The following GABRA3 variants were observed in gnomAD, a reference collection of about 807,000 sequenced individuals.
GABRA3 encodes gamma-aminobutyric acid type A receptor subunit alpha3.
Under a neutral mutation model 30.1 loss-of-function variants are expected in GABRA3, and 10 were observed. The ratio of observed to expected loss-of-function variants is 0.33; its 90% CI spans 0.20 to 0.56. The LOEUF (loss-of-function observed/expected upper bound fraction) is 0.56. Ranked by LOEUF, GABRA3 falls within the 20% of genes least tolerant of loss-of-function variation. The probability of loss-of-function intolerance (pLI) is 0.89; values close to 1 mark genes in which losing one functional copy is unlikely to be tolerated. For synonymous variants in GABRA3, 151 were observed against 146.8 expected, an observed-to-expected ratio of 1.03 and a Z score of -0.21; for missense variants, 233 against 392.0, an observed-to-expected ratio of 0.59 and a Z score of 3.42.
chrX:152,225,138 C>A (rs752498358), intron 5 of GABRA3, among the ~76,000 whole-genome samples: 11 of 109,831 alleles, frequency 1.0e-4, no homozygotes, highest in Non-Finnish European at 2.1e-4. Flanking sequence ...ACACCCCCCC[C>A]AAGAAGCCTG....
chrX:152,218,142 T>C (rs959641071), intron 6 of GABRA3, among the ~76,000 whole-genome samples: 11 of 109,333 alleles, frequency 1.0e-4, no homozygotes, highest in Non-Finnish European at 1.7e-4. Context: ...ATGCATCCCA[T>C]AAGTTTTGGT....
At chrX:152,280,590 G>T (rs747550351) in intron 4 of GABRA3, among the ~76,000 whole-genome samples, 1 of 111,507 alleles carries the variant, frequency 9.0e-6, no homozygotes, top group Non-Finnish European at 1.9e-5. Context: ...CAGAATGTAC[G>T]TTATCTGAAT....
intron 5 of GABRA3, among the ~76,000 whole-genome samples, chrX:152,243,603 C>A (rs1938417162): frequency 9.0e-6 from 1 of 111,658 alleles, no homozygotes; most frequent in Non-Finnish European, 1.9e-5. Flanking sequence ...TAACACCTTG[C>A]AGATGCTAAT....
intron 7 of GABRA3, among the ~76,000 whole-genome samples, chrX:152,201,559 G>C (rs957446994): frequency 9.0e-6 from 1 of 111,662 alleles, no homozygotes; most frequent in African/African-American, 3.3e-5. Context: ...CCCTTTAAGT[G>C]ATTTGGGGGA....
chrX:152,231,354 C>T (rs765515674), intron 5 of GABRA3, among the ~76,000 whole-genome samples: 24 of 108,292 alleles, frequency 2.2e-4, no homozygotes, highest in Non-Finnish European at 3.1e-4. Context: ...TGTGTATATA[C>T]GTGTATATAT....
At chrX:152,268,331 C>T (rs1455940998) in intron 4 of GABRA3, among the ~76,000 whole-genome samples, 1 of 111,400 alleles carries the variant, frequency 9.0e-6, no homozygotes. Context: ...GTGGGTTTTT[C>T]CCATGCTGTT....
intron 1 of GABRA3, among the ~76,000 whole-genome samples, chrX:152,370,902 T>C (rs1928819034): frequency 9.0e-6 from 1 of 111,242 alleles, no homozygotes; most frequent in South Asian, 3.8e-4. Flanking sequence ...CTTACAATCT[T>C]AGAATTGCTC....
chrX:152,261,899 A>C (rs1357733312), intron 4 of GABRA3, among the ~76,000 whole-genome samples: 2 of 112,566 alleles, frequency 1.8e-5, no homozygotes, highest in Admixed American at 1.9e-4. Flanking sequence ...GAGGTTATAC[A>C]TGAGTGTTCT....
In GABRA3 at chrX:152,324,461, T is replaced by G. The variant is rs542105803; in HGVS notation, c.262+21120A>C. ...AGAGAAGCTGTTGACATTGTGTATC[T>G]GAATTTCATCAAGGCACTGACAGAC... On this transcript the variant is annotated intron_variant, in intron 3 of 9. Coordinates refer to ENST00000370314, the MANE Select transcript of GABRA3 (RefSeq NM_000808.4). Among the ~76,000 whole-genome samples, 6 of 112,234 alleles carry G rather than the reference T, an allele frequency of 5.3e-5. No homozygotes were observed. The South Asian group carries it at 1.8e-3, about 34-fold the overall frequency.
At chrX:152,414,955 C>G (rs1390132634) in intron 1 of GABRA3, among the ~76,000 whole-genome samples, 2 of 108,702 alleles carry the variant, frequency 1.8e-5, no homozygotes, top group Non-Finnish European at 3.8e-5. Flanking sequence ...CTAATTATGA[C>G]ATTTTGGAAA....
chrX:152,309,961 C>CA (rs1569392978), intron 3 of GABRA3, among the ~76,000 whole-genome samples: 1 of 111,219 alleles, frequency 9.0e-6, no homozygotes, highest in African/African-American at 3.3e-5. Flanking sequence ...AACAGAAATC[C>CA]AAAAAAAGCA....
intron 5 of GABRA3, among the ~76,000 whole-genome samples, chrX:152,238,037 G>A (rs201101036): frequency 0.09 from 9,648 of 107,110 alleles, 1,105 homozygotes; most frequent in East Asian, 0.29. Flanking sequence ...ATGTTGAATA[G>A]GAGTGGTGAG....
intron 5 of GABRA3, among the ~76,000 whole-genome samples, chrX:152,226,875 AG>A (rs1274646929): frequency 4.3e-4 from 48 of 112,091 alleles, no homozygotes; most frequent in African/African-American, 1.5e-3. Flanking sequence ...TTAAAAAGTC[AG>A]GAAACAACAG....
chrX:152,257,027 A>G (rs780981089), intron 4 of GABRA3, among the ~76,000 whole-genome samples: 2 of 111,247 alleles, frequency 1.8e-5, no homozygotes, highest in Non-Finnish European at 3.8e-5. Context: ...ATTCTGCCGA[A>G]AAATTCCGGC....
Position 152,167,877 on chromosome X carries a change from C to T in GABRA3, c.*351G>A, listed in dbSNP as rs2124320036. ...TCCTTGTTCTGGGCCTCTCAAACAG[C>T]CAAGGCTTCCACTATGGAGAGTAGA... On this transcript the variant is annotated 3_prime_UTR_variant, in exon 10 of 10. Transcript: ENST00000370314. The T allele has an allele frequency of 1.9e-5, 4 of 205,487 alleles. No homozygotes were observed. The highest frequency in any genetic ancestry group is 1.8e-5 in the Non-Finnish European group (2 of 113,075). The allele number at this position is 205,487 out of a possible 1,213,427, so 16.9% of individuals were successfully genotyped here.
At chrX:152,436,853 A>C (rs1197387505) in intron 1 of GABRA3, among the ~76,000 whole-genome samples, 2 of 111,577 alleles carry the variant, frequency 1.8e-5, no homozygotes, top group African/African-American at 6.5e-5. Context: ...TGCAAAAGGT[A>C]CAAGTCATAA....
At chrX:152,281,021 G>T (rs1939190189) in intron 4 of GABRA3, among the ~76,000 whole-genome samples, 1 of 111,051 alleles carries the variant, frequency 9.0e-6, no homozygotes, top group African/African-American at 3.3e-5. Context: ...GGGACTAGAA[G>T]AGAAGGTGGA....
intron 9 of GABRA3, among the ~76,000 whole-genome samples, chrX:152,182,868 CTATATATAGTGTATA>C (rs1233676966): frequency 1.1e-5 from 1 of 92,361 alleles, no homozygotes; most frequent in African/African-American, 3.9e-5. Flanking sequence ...TACTATAGTA[CTATATATAGTGTATA>C]TATATATAGT....
At chrX:152,434,553 G>C (rs1254875028) in intron 1 of GABRA3, among the ~76,000 whole-genome samples, 1 of 111,543 alleles carries the variant, frequency 9.0e-6, no homozygotes, top group Non-Finnish European at 1.9e-5. Context: ...TATGAGACTA[G>C]AGTGACTCTT....
Sources: gnomAD v4.1 joint callset for allele counts (sites outside exome capture counted in the v4.1 genomes callset) on GRCh38, gnomAD v4.1.1 for gene constraint, MANE v1.5 for transcripts, NCBI Gene and HGNC (gene_info 2026-07-23, HGNC 2026-07-21) for gene names.